ITPR2: variants seen among roughly 807,000 people sequenced by gnomAD.
ITPR2 encodes inositol 1,4,5-trisphosphate-gated calcium channel ITPR2.
Under a neutral mutation model 317.1 loss-of-function variants are expected in ITPR2, and 207 were observed. The ratio of observed to expected loss-of-function variants is 0.65; its 90% CI spans 0.58 to 0.73. ITPR2 has a LOEUF of 0.73. Among genes scored for constraint, ITPR2 ranks in the 30% least tolerant of loss-of-function variants. The pLI, the probability that ITPR2 is intolerant of heterozygous loss-of-function variation, is 0.00. For missense variants in ITPR2, 2,613 were observed against 3,284.0 expected (o/e 0.80, Z 4.99); for synonymous variants, 1,156 against 1,149.1 (o/e 1.01, Z -0.12).
At chr12:26,360,255 C>T (rs909276398) in intron 55 of ITPR2, among the ~76,000 whole-genome samples, 5 of 152,206 alleles carry the variant, frequency 3.3e-5, no homozygotes, top group African/African-American at 9.7e-5. Context: ...CACGAATCCT[C>T]TCTCGCTTCC....
intron 35 of ITPR2, among the ~76,000 whole-genome samples, chr12:26,557,420 T>A (rs1225625441): frequency 1.3e-5 from 2 of 152,186 alleles, no homozygotes; most frequent in South Asian, 2.1e-4. Flanking sequence ...TCTGTCCAGG[T>A]ATGATTATGC....
At chr12:26,356,356 C>T (rs1336798843) in intron 55 of ITPR2, among the ~76,000 whole-genome samples, 1 of 152,158 alleles carries the variant, frequency 6.6e-6, no homozygotes, top group African/African-American at 2.4e-5. Flanking sequence ...TGAAGTAATG[C>T]CAAGTAGGGT....
intron 41 of ITPR2, among the ~76,000 whole-genome samples, chr12:26,484,262 T>C (rs573355852): frequency 1.2e-4 from 18 of 149,676 alleles, no homozygotes; most frequent in African/African-American, 3.4e-4. Context: ...TAATGGGAAG[T>C]CGGAAAAAGA....
intron 5 of ITPR2, among the ~76,000 whole-genome samples, chr12:26,721,604 A>C (rs1339533124): frequency 6.6e-6 from 1 of 152,132 alleles, no homozygotes; most frequent in East Asian, 1.9e-4. Flanking sequence ...GCATTTCCTG[A>C]GCATCGTCCA....
intron 48 of ITPR2, among the ~76,000 whole-genome samples, chr12:26,431,617 T>C (rs1407519726): frequency 6.6e-6 from 1 of 152,214 alleles, no homozygotes; most frequent in Non-Finnish European, 1.5e-5. Context: ...ATTCTCTATC[T>C]GCAGTAGAGG....
intron 35 of ITPR2, among the ~76,000 whole-genome samples, chr12:26,560,852 T>C (rs1417777528): frequency 1.3e-5 from 2 of 152,236 alleles, no homozygotes; most frequent in African/African-American, 2.4e-5. Flanking sequence ...TTTCAGTTAA[T>C]GTCTTGGCCA....
At chr12:26,409,590 CAT>C (rs1006804117) in intron 52 of ITPR2, among the ~76,000 whole-genome samples, 23 of 150,360 alleles carry the variant, frequency 1.5e-4, no homozygotes, top group African/African-American at 5.0e-4. Flanking sequence ...GTTTCCATCA[CAT>C]GTTTTTCTTG....
intron 35 of ITPR2, among the ~76,000 whole-genome samples, chr12:26,560,295 CT>C (rs930644431): frequency 6.6e-6 from 1 of 151,496 alleles, no homozygotes; most frequent in Non-Finnish European, 1.5e-5. Flanking sequence ...ATAGGGCGTT[CT>C]TTTTTTTTCT....
rs773720654 is a variant in ITPR2 at position 26,486,125 on chromosome 12, C to T, written c.5790G>A (p.Glu1930=). 1 of 1,614,162 alleles carries T rather than the reference C, an allele frequency of 6.2e-7. No individual in the cohort carries two copies. The highest frequency in any genetic ancestry group is 8.5e-7 in the Non-Finnish European group (1 of 1,180,006). Reference sequence around the variant, plus strand: ...ATACCTGCAATTCCCGGTTGTGATTCTCACACAGTAACTGAAGAAATCTCA... The same window carrying T: ...ATACCTGCAATTCCCGGTTGTGATTTTCACACAGTAACTGAAGAAATCTCA... The part of the protein sequence containing the change: ...PILRFLQLLC[E]NHNRELQNFL... The change falls in exon 41 of 57, where the codon GAG becomes GAA. Residue 1930 remains glutamate, a synonymous_variant. Transcript: ENST00000381340.
At chr12:26,597,362 A>G (rs1183751385) in intron 30 of ITPR2, among the ~76,000 whole-genome samples, 1 of 152,236 alleles carries the variant, frequency 6.6e-6, no homozygotes, top group Non-Finnish European at 1.5e-5. Flanking sequence ...GAAGCAGCAG[A>G]TAGGGCAAGA....
At chr12:26,657,637 C>A in intron 18 of ITPR2, 70 bp downstream of exon 18, 1 of 1,351,548 alleles carries the variant, frequency 7.4e-7, no homozygotes, top group Non-Finnish European at 1.0e-6. Flanking sequence ...TAACTAGTGG[C>A]TACAGAGAAC....
chr12:26,653,809 A>G (rs1947312653), intron 21 of ITPR2, among the ~76,000 whole-genome samples, 167 bp downstream of exon 21: 1 of 152,228 alleles, frequency 6.6e-6, no homozygotes, highest in African/African-American at 2.4e-5. Flanking sequence ...ACAGAGATGC[A>G]TGTTTGTAAA....
rs574265009 is a variant in ITPR2 at position 26,419,123 on chromosome 12, A to C, written c.7036T>G (p.Phe2346Val). The C allele has an allele frequency of 1.9e-4, 307 of 1,613,884 alleles. 4 individuals are homozygous for C. The South Asian group carries it at 3.3e-3, about 17-fold the overall frequency. ...GYRAVILDMA[F>V]LYHVAYVLVC... ...AGGACATACGCCACGTGATAGAGAA[A>C]GGCCATATCCAGGATGACTGCTCGG... is the stretch of plus-strand genomic sequence containing the variant. The change falls in exon 50 of 57, where the codon TTT (phenylalanine) becomes GTT (valine). Residue 2346 changes from phenylalanine (F) to valine (V), a missense_variant. Transcript: ENST00000381340.
intron 48 of ITPR2, among the ~76,000 whole-genome samples, chr12:26,433,507 T>C (rs904503984): frequency 6.6e-6 from 1 of 151,666 alleles, no homozygotes; most frequent in South Asian, 2.1e-4. Flanking sequence ...TAATTGTTTT[T>C]TTCCATCAAG....
intron 54 of ITPR2, among the ~76,000 whole-genome samples, chr12:26,396,887 T>A (rs1025282175): frequency 1.3e-5 from 2 of 152,218 alleles, no homozygotes; most frequent in African/African-American, 4.8e-5. Flanking sequence ...CTATCTTTCA[T>A]ATCCTTTCCT....
chr12:26,346,841 TC>T (rs1417156144), intron 55 of ITPR2, among the ~76,000 whole-genome samples: 1 of 152,112 alleles, frequency 6.6e-6, no homozygotes, highest in Non-Finnish European at 1.5e-5. Context: ...ATCTGTAAAA[TC>T]AGAATGTTAC....
intron 37 of ITPR2, among the ~76,000 whole-genome samples, chr12:26,521,879 C>T (rs1298864900): frequency 1.3e-5 from 2 of 152,180 alleles, no homozygotes; most frequent in Non-Finnish European, 1.5e-5. Flanking sequence ...ACATCACTAA[C>T]TCATTAAACC....
intron 34 of ITPR2, among the ~76,000 whole-genome samples, chr12:26,567,997 T>TATATATTATATA (rs1284996609): frequency 2.1e-4 from 1 of 4,804 alleles, no homozygotes; most frequent in African/African-American, 5.1e-4. Context: ...TATATATATA[T>TATATATTATATA]TATATATATT....
chr12:26,802,579 AG>A, intron 1 of ITPR2, among the ~76,000 whole-genome samples: 1 of 9,022 alleles, frequency 1.1e-4, no homozygotes, highest in Admixed American at 1.7e-3. Context: ...ATATAGATAT[AG>A]ATATATCTAT....
Sources: gnomAD v4.1 joint callset for allele counts (sites outside exome capture counted in the v4.1 genomes callset) on GRCh38, gnomAD v4.1.1 for gene constraint, MANE v1.5 for transcripts, NCBI Gene and HGNC (gene_info 2026-07-23, HGNC 2026-07-21) for gene names.